The following CDHR5 variants were observed in gnomAD, a reference collection of about 807,000 sequenced individuals.
CDHR5 encodes the protein cadherin-related family member 5.
CDHR5 carries 82 observed loss-of-function variants against 69.5 expected under a neutral mutation model. That is an observed-to-expected ratio of 1.18 (90% CI 0.99 to 1.42). The LOEUF is 1.42. Among genes scored for constraint, CDHR5 ranks in the 40% most tolerant of loss-of-function variants. CDHR5 has a pLI of 0.00. For synonymous variants in CDHR5, 601 were observed against 510.2 expected (o/e 1.18, Z -2.40); for missense variants, 1,293 against 1,168.9 (o/e 1.11, Z -1.55).
At position 618,836 on chromosome 11, in the gene CDHR5, C is replaced by T. The variant is rs575895033; in HGVS notation, c.1723G>A (p.Glu575Lys). The T allele has an allele frequency of 1.2e-6, 2 of 1,604,732 alleles. No homozygotes were observed. The highest frequency in any genetic ancestry group is 1.7e-5 in the Admixed American group (1 of 58,874). Reference protein sequence around the residue: ...TPSGGTAQTPEPGTSQPMPPS... With the variant: ...TPSGGTAQTPKPGTSQPMPPS... ...GGCATCGGCTGAGAGGTTCCTGGCT[C>T]TGGGGTCTGTGCTGTGCCCCCACTG... Residue 575 changes from glutamate to lysine, a missense_variant, in exon 13 of 15, where the codon GAG becomes AAG. Transcript: ENST00000397542.
rs769359188 is a variant in CDHR5, at chr11:619,138, C to G, written c.1421G>C (p.Trp474Ser). 1.9e-6 allele frequency: 3 copies of G among 1,581,608 alleles called. No homozygotes were observed. Among genetic ancestry groups the G allele is most frequent in the Non-Finnish European group, 2.6e-6 (3 of 1,165,776 alleles). ...GGGGACCTCGGAAGTGGTGCTGGTC[C>G]AGGGCCCAGTTGTTCCTCCAGCCTC... ...SPEAGGTTGP[W>S]TSTTSEVPRP... is the part of the protein sequence containing the mutation. Residue 474 changes from tryptophan to serine, a missense_variant, in exon 13 of 15, where the codon TGG becomes TCG. Physicochemically the swap from Trp to Ser is radical, Grantham distance 177. Coordinates refer to ENST00000397542, the MANE Select transcript of CDHR5 (RefSeq NM_021924.5).
Position 616,785 on chromosome 11 carries a change from C to G in CDHR5, c.*566G>C, listed in dbSNP as rs1466023251. The G allele has an allele frequency of 1.3e-5, 2 of 158,972 alleles. No individual in the cohort carries two copies. The highest frequency in any genetic ancestry group is 4.8e-5 in the African/African-American group (2 of 41,566). The allele number at this position is 158,972 out of a possible 1,614,324, so 9.8% of individuals were successfully genotyped here. A position where few individuals can be genotyped will look rare whatever the true frequency, so the allele number is the denominator to read the frequency against. ...CACCCACCCCCAGCGCGCCTCAGTC[C>G]AGGTCACTGGGCAGGGTGTTTACTG... On this transcript the variant is annotated 3_prime_UTR_variant, in exon 15 of 15. Coordinates refer to ENST00000397542, the MANE Select transcript of CDHR5 (RefSeq NM_021924.5).
intron 7 of CDHR5, among the ~76,000 whole-genome samples, chr11:620,787 AGAT>A (rs1335601360): frequency 2.0e-5 from 3 of 151,966 alleles, no homozygotes; most frequent in Non-Finnish European, 4.4e-5. Context: ...AGCAGGGCAG[AGAT>A]GTCAGCATCC....
chr11:623,909 C>T (rs1369447910), intron 3 of CDHR5, among the ~76,000 whole-genome samples: 1 of 151,760 alleles, frequency 6.6e-6, no homozygotes, highest in Non-Finnish European at 1.5e-5. Flanking sequence ...GGAGGGAGGG[C>T]GAGTGGGAAC....
Position 624,689 on chromosome 11 carries a change from T to C in CDHR5, c.129A>G (p.Thr43=). The change falls in exon 2 of 15, where the codon ACA becomes ACG. Residue 43 remains threonine, a synonymous_variant. Transcript: ENST00000397542. The surrounding 1 kb of genome is among the most constrained non-coding windows in gnomAD (Gnocchi z 5.3). The part of the protein sequence containing the change: ...NKDIFEVEEN[T]NVTEPLVDIH... Reference sequence around the variant, plus strand: ...TGTCCACCAGCGGCTCGGTGACATTTGTGTTCTCCTCTACTTCAAAGATGT... The same window carrying C: ...TGTCCACCAGCGGCTCGGTGACATTCGTGTTCTCCTCTACTTCAAAGATGT... 1 of 1,612,866 alleles carries C rather than the reference T, an allele frequency of 6.2e-7. No individual in the cohort carries two copies. Among genetic ancestry groups the C allele is most frequent in the Non-Finnish European group, 8.5e-7 (1 of 1,179,224 alleles).
chr11:619,353 G>A lies in CDHR5; in HGVS notation c.1331C>T (p.Thr444Ile), dbSNP rs1461223569. Residue 444 changes from threonine (T) to isoleucine (I), a missense_variant, in exon 12 of 15, where the codon ACC (threonine) becomes ATC (isoleucine). Physicochemically the swap from Thr to Ile is moderately conservative, Grantham distance 89. Transcript: ENST00000397542. ...GGAAACTTGTATCTCAATGACTGTGGTTGCGGTGCCAGAGGTCACCGTGTT... is the reference window on the plus strand; with the variant it reads ...GGAAACTTGTATCTCAATGACTGTGATTGCGGTGCCAGAGGTCACCGTGTT... ...AHNTVTSGTA[T>I]TVIEIQVSEQ... The A allele has an allele frequency of 2.5e-6, 4 of 1,613,638 alleles. No homozygotes were observed. The highest frequency in any genetic ancestry group is 3.3e-5 in the Admixed American group (2 of 59,972).
intron 13 of CDHR5, 126 bp downstream of exon 13, chr11:618,473 C>G: frequency 2.5e-6 from 3 of 1,193,584 alleles, no homozygotes; most frequent in Non-Finnish European, 3.6e-6. Context: ...CTGTCAGTCC[C>G]AAACAGACTC....
rs1386703779 is a variant in CDHR5, at chr11:624,350, C to T, written c.262-87G>A. The T allele has an allele frequency of 8.2e-6, 6 of 732,256 alleles. No individual in the cohort carries two copies. The highest frequency in any genetic ancestry group is 1.5e-5 in the Non-Finnish European group (6 of 396,556). The allele number at this position is 732,256 out of a possible 1,614,324, so 45.4% of individuals were successfully genotyped here. On this transcript the variant is annotated intron_variant, in intron 2 of 14. Coordinates refer to ENST00000397542, the MANE Select transcript of CDHR5 (RefSeq NM_021924.5). The surrounding 1 kb of genome is among the most constrained non-coding windows in gnomAD (Gnocchi z 5.3). ...AGTGGGCAGGCGCTGGCCCAGGGTC[C>T]CCATCATCAGTGGTCAGTGCTGAGG...
chr11:619,492 C>T lies in CDHR5; in HGVS notation c.1275G>A (p.Ala425=), dbSNP rs61732112. The change falls in exon 11 of 15, where the codon GCG becomes GCA. Residue 425 remains alanine, a synonymous_variant. Coordinates refer to ENST00000397542, the MANE Select transcript of CDHR5 (RefSeq NM_021924.5). ...VVLTTTTLAQ[A]GAFYAEVEAH... Reference sequence around the variant, plus strand: ...CCCGCACCTCTGCGTAGAAGGCTCCCGCCTGTGCCAGTGTGGTGGTGGTCA... The same window carrying T: ...CCCGCACCTCTGCGTAGAAGGCTCCTGCCTGTGCCAGTGTGGTGGTGGTCA... 4.3e-3 allele frequency: 6,983 copies of T among 1,613,314 alleles called. 23 individuals carry two copies. The highest frequency in any genetic ancestry group is 5.3e-3 in the Non-Finnish European group (6,280 of 1,179,404).
Position 621,777 on chromosome 11 carries a change from C to A in CDHR5, c.405+35G>T. ...TGCCCTCACCCTGGGCTCCCACACC[C>A]CCGTGCCCAGTCCCCGCGGCTTCGC... On this transcript the variant is annotated intron_variant, in intron 4 of 14. Coordinates refer to ENST00000397542, the MANE Select transcript of CDHR5 (RefSeq NM_021924.5). This position sits in a 1 kb window ranked among gnomAD's most constrained non-coding sequence, Gnocchi z 4.4. The A allele has an allele frequency of 6.3e-7, 1 of 1,588,906 alleles. No homozygotes were observed. Among genetic ancestry groups the A allele is most frequent in the Middle Eastern group, 1.7e-4 (1 of 5,992 alleles).
In CDHR5 at chr11:619,113, GGGGACCTCGGAAGTGGTGCTGGTCCA is replaced by G; in HGVS notation, c.1420_1445del (p.Trp474GlnfsTer4). 6.2e-7 allele frequency: 1 copy of G among 1,601,198 alleles called. No individual in the cohort carries two copies. ...GTCCCTGGGAGGGCTCAGGGGGTCTGGGGACCTCGGAAGTGGTGCTGGTCCAGGGCCCAGTTGTTCCTCCAGCCTCT... is the reference window on the plus strand; with the variant it reads ...GTCCCTGGGAGGGCTCAGGGGGTCTGGGGCCCAGTTGTTCCTCCAGCCTCT... On this transcript the variant is annotated frameshift_variant, in exon 13 of 15. Transcript: ENST00000397542. LOFTEE classifies it high-confidence loss of function.
rs1857411015 is a variant in CDHR5 at position 621,712 on chromosome 11, A to T, written c.406-49T>A. On this transcript the variant is annotated intron_variant, in intron 4 of 14. Transcript: ENST00000397542. The surrounding 1 kb of genome is among the most constrained non-coding windows in gnomAD (Gnocchi z 4.4). Reference sequence around the variant, plus strand: ...CCGGCCACACTCTTGGCCCCTGTGGACCCCCACTGTGGTTGAGCCCCCGGC... The same window carrying T: ...CCGGCCACACTCTTGGCCCCTGTGGTCCCCCACTGTGGTTGAGCCCCCGGC... 6.5e-7 allele frequency: 1 copy of T among 1,549,674 alleles called. No individual in the cohort carries two copies. The highest frequency in any genetic ancestry group is 8.9e-7 in the Non-Finnish European group (1 of 1,125,222).
rs756669977 is a variant in CDHR5, at chr11:619,555, G to A, written c.1212C>T (p.Thr404=). The A allele has an allele frequency of 6.2e-7, 1 of 1,613,916 alleles. No individual in the cohort carries two copies. Among genetic ancestry groups the A allele is most frequent in the Non-Finnish European group, 8.5e-7 (1 of 1,179,882 alleles). ...DLNSAITYRI[T]NHSHFRMEGE... is the part of the protein sequence containing the mutation. Reference sequence around the variant, plus strand: ...CCTCCATCCGGAAGTGTGAGTGGTTGGTAATTCGATATGTGATGGCCGAGT... The same window carrying A: ...CCTCCATCCGGAAGTGTGAGTGGTTAGTAATTCGATATGTGATGGCCGAGT... The change falls in exon 11 of 15, where the codon ACC becomes ACT. Residue 404 remains threonine, a synonymous_variant. Transcript: ENST00000397542.
rs773418617 is a variant in CDHR5 at position 618,768 on chromosome 11, G to A, written c.1791C>T (p.Pro597=). ...CTGGGGTCTGTGCTGTGCCCCCACC[G>A]GGTGTGGCTGGTTGGTGGGAGGTGC... ...GTSTSHQPAT[P]GGGTAQTPEA... Residue 597 remains proline, a synonymous_variant, in exon 13 of 15, where the codon CCC becomes CCT. Coordinates refer to ENST00000397542, the MANE Select transcript of CDHR5 (RefSeq NM_021924.5). 6.2e-6 allele frequency: 10 copies of A among 1,605,876 alleles called. No homozygotes were observed. Among genetic ancestry groups the A allele is most frequent in the African/African-American group, 2.8e-5 (2 of 71,832 alleles).
Position 621,644 on chromosome 11 carries a change from G to A in CDHR5, c.425C>T (p.Thr142Ile), listed in dbSNP as rs1857406460. The part of the protein sequence containing the change: ...RVEEDTKVNS[T>I]VIPETQLQAE... ...CTGCAGTTGCGTCTCGGGGATGACG[G>A]TGGAGTTCACTTTCGTGTCCTGGGG... Residue 142 changes from threonine to isoleucine, a missense_variant, in exon 5 of 15, where the codon ACC (threonine) becomes ATC (isoleucine). Transcript: ENST00000397542. This position sits in a 1 kb window ranked among gnomAD's most constrained non-coding sequence, Gnocchi z 4.4. The A allele has an allele frequency of 8.7e-6, 14 of 1,613,456 alleles. No homozygotes were observed. Among genetic ancestry groups the A allele is most frequent in the East Asian group, 4.5e-5 (2 of 44,868 alleles).
chr11:620,642 C>T lies in CDHR5; in HGVS notation c.790-256G>A, dbSNP rs145871414. 1.6e-4 allele frequency among the ~76,000 whole-genome samples: 25 copies of T among 152,292 alleles called. No homozygotes were observed. In the East Asian group the frequency reaches 3.9e-3, roughly 23 times the overall value. On this transcript the variant is annotated intron_variant, in intron 7 of 14. Transcript: ENST00000397542. ...CCCATTTGCACAAGGCTTGTCTTGA[C>T]GGGTAAGCAAACATTTAGGAAGTGG...
rs769557066 is a variant in CDHR5 at position 624,189 on chromosome 11, G to A, written c.312+24C>T. ...CCCAGCAGAGGTGGCCGGGTGGGGC[G>A]GGGAGAGCGGGGCGGGGACTCACCA... On this transcript the variant is annotated intron_variant, in intron 3 of 14. Transcript: ENST00000397542. This position sits in a 1 kb window ranked among gnomAD's most constrained non-coding sequence, Gnocchi z 5.3. 17 of 746,762 alleles carry A rather than the reference G, an allele frequency of 2.3e-5. No individual in the cohort carries two copies. The highest frequency in any genetic ancestry group is 4.0e-5 in the Non-Finnish European group (16 of 402,142). 46.3% of individuals were successfully genotyped at this position (746,762 alleles called of 1,614,324 possible). A position where few individuals can be genotyped will look rare whatever the true frequency, so the allele number is the denominator to read the frequency against.
In CDHR5 at chr11:618,101, G is replaced by C. The variant is rs778367475; in HGVS notation, c.1971C>G (p.Pro657=). Residue 657 remains proline, a synonymous_variant, in exon 14 of 15, where the codon CCC becomes CCG. Coordinates refer to ENST00000397542, the MANE Select transcript of CDHR5 (RefSeq NM_021924.5). ...CCACCGAGAAGCGCTTGTCCTCCGAGGGGCCGCCACCTGGCATCGCAGTGG... is the reference window on the plus strand; with the variant it reads ...CCACCGAGAAGCGCTTGTCCTCCGACGGGCCGCCACCTGGCATCGCAGTGG... The part of the protein sequence containing the change: ...SKSTPSSGGG[P]SEDKRFSVVD... 3.1e-6 allele frequency: 5 copies of C among 1,608,898 alleles called. No individual in the cohort carries two copies. Among genetic ancestry groups the C allele is most frequent in the Non-Finnish European group, 4.2e-6 (5 of 1,177,900 alleles).
chr11:619,024 G>A lies in CDHR5; in HGVS notation c.1535C>T (p.Pro512Leu). The A allele has an allele frequency of 6.2e-7, 1 of 1,613,466 alleles. No homozygotes were observed. Among genetic ancestry groups the A allele is most frequent in the Non-Finnish European group, 8.5e-7 (1 of 1,179,808 alleles). Residue 512 changes from proline to leucine, a missense_variant, in exon 13 of 15, where the codon CCA (proline) becomes CTA (leucine). By Grantham distance (98) the Pro-to-Leu change is moderately conservative. Coordinates refer to ENST00000397542, the MANE Select transcript of CDHR5 (RefSeq NM_021924.5). ...PHPPSGTTLR[P>L]PTSSTPGGPP... ...CCCCCCGGGTGTGGACGAGGTTGGT[G>A]GCCTCAGAGTTGTGCCAGAGGGTGG... is the stretch of plus-strand genomic sequence containing the variant.
Sources: gnomAD v4.1 joint callset for allele counts (sites outside exome capture counted in the v4.1 genomes callset) on GRCh38, gnomAD v4.1.1 for gene constraint, Gnocchi (gnomAD v3.1) non-coding constraint, MANE v1.5 for transcripts, NCBI Gene and HGNC (gene_info 2026-07-23, HGNC 2026-07-21) for gene names.